Variants in CAPN7 observed in about 807,000 individuals in gnomAD.
CAPN7 encodes the protein calpain-7.
CAPN7 carries 72 observed loss-of-function variants against 115.2 expected under a neutral mutation model. The ratio of observed to expected loss-of-function variants is 0.63; its 90% CI spans 0.52 to 0.76. The LOEUF is 0.76. Ranked by LOEUF, CAPN7 falls within the 30% of genes least tolerant of loss-of-function variation. The pLI is 0.00. For missense variants in CAPN7, 905 were observed against 971.5 expected (o/e 0.93, Z 0.91); for synonymous variants, 344 against 322.3 (o/e 1.07, Z -0.72).
At chr3:15,216,385 C>T (rs1413100811) in intron 2 of CAPN7, among the ~76,000 whole-genome samples, 3 of 152,160 alleles carry the variant, frequency 2.0e-5, no homozygotes, top group South Asian at 2.1e-4. Context: ...TGATGGCTAA[C>T]GTTCAGCAAT....
Position 15,206,500 on chromosome 3 carries a change from A to T in CAPN7, c.5A>T (p.Asp2Val). ...CCGGCGCGGGGCCACTGCGCCATGG[A>T]CGCCACAGCACTGGAGCGGGACGCT... MDATALERDAVQ... is the reference protein window; with the variant it reads MVATALERDAVQ... Residue 2 changes from aspartate to valine, a missense_variant, in exon 1 of 21, where the codon GAC (aspartate) becomes GTC (valine). By Grantham distance (152) the Asp-to-Val change is radical. This residue lies in a region of CAPN7 where 271 missense variants were observed against 239.6 expected (regional missense o/e 1.13). Coordinates refer to ENST00000253693, the MANE Select transcript of CAPN7 (RefSeq NM_014296.3). The T allele has an allele frequency of 6.5e-7, 1 of 1,546,726 alleles. No individual in the cohort carries two copies. The highest frequency in any genetic ancestry group is 2.5e-5 in the East Asian group (1 of 40,386).
At chr3:15,213,264 C>T (rs1165316486) in intron 2 of CAPN7, among the ~76,000 whole-genome samples, 1 of 152,196 alleles carries the variant, frequency 6.6e-6, no homozygotes, top group African/African-American at 2.4e-5. Context: ...GGAAGGTAGT[C>T]TTTCATGTTT....
At chr3:15,218,432 T>C in intron 3 of CAPN7, 41 bp from the exon 4 acceptor site, 1 of 1,472,440 alleles carries the variant, frequency 6.8e-7, no homozygotes, top group Non-Finnish European at 9.4e-7. Context: ...AATTGAAAAA[T>C]AATTATGCTT....
intron 11 of CAPN7, among the ~76,000 whole-genome samples, 186 bp from the exon 12 acceptor site, chr3:15,234,839 A>T (rs1270767109): frequency 6.9e-6 from 1 of 144,490 alleles, no homozygotes; most frequent in Non-Finnish European, 1.5e-5. Flanking sequence ...CCAGAAACTT[A>T]AAAAAAGAGA....
Position 15,228,994 on chromosome 3 carries a change from C to A in CAPN7, c.873C>A (p.Ser291=), listed in dbSNP as rs1177412357. The A allele has an allele frequency of 1.9e-6, 3 of 1,612,278 alleles. No homozygotes were observed. The highest frequency in any genetic ancestry group is 2.5e-6 in the Non-Finnish European group (3 of 1,178,768). The change falls in exon 8 of 21, where the codon TCC becomes TCA. Residue 291 remains serine, a synonymous_variant. Transcript: ENST00000253693. ...AACAGACAATAGTATCGGATTGCTC[C>A]TTTGTGGCATCACTGGCCATCAGTG... ...SIKQTIVSDC[S]FVASLAISAA...
chr3:15,231,817 C>T (rs562992366), intron 9 of CAPN7, among the ~76,000 whole-genome samples: 38 of 152,286 alleles, frequency 2.5e-4, no homozygotes, highest in African/African-American at 6.7e-4. Context: ...CGTGAGCCAC[C>T]GCGCCCAGCC....
At chr3:15,213,347 G>A (rs892010712) in intron 2 of CAPN7, among the ~76,000 whole-genome samples, 1 of 152,058 alleles carries the variant, frequency 6.6e-6, no homozygotes, top group African/African-American at 2.4e-5. Flanking sequence ...ATACATGTTT[G>A]GGCTCTATGG....
intron 6 of CAPN7, among the ~76,000 whole-genome samples, chr3:15,225,377 T>G (rs1266573559): frequency 6.6e-6 from 1 of 152,242 alleles, no homozygotes; most frequent in Admixed American, 6.5e-5. Context: ...GTTATTCTGG[T>G]ATTTTCTTGA....
At chr3:15,229,284 A>T (rs559174153) in intron 8 of CAPN7, among the ~76,000 whole-genome samples, 2 of 152,322 alleles carry the variant, frequency 1.3e-5, no homozygotes. Context: ...GTTTTGAAAT[A>T]AATGAAATTG....
intron 15 of CAPN7, 69 bp downstream of exon 15, chr3:15,241,657 C>T: frequency 7.7e-7 from 1 of 1,301,234 alleles, no homozygotes; most frequent in Non-Finnish European, 1.1e-6. Flanking sequence ...TTGTGAAAGA[C>T]ATACGTAAAC....
chr3:15,240,791 T>C lies in CAPN7; in HGVS notation c.1590T>C (p.Tyr530=). The C allele has an allele frequency of 6.2e-7, 1 of 1,613,148 alleles. No individual in the cohort carries two copies. The highest frequency in any genetic ancestry group is 8.5e-7 in the Non-Finnish European group (1 of 1,179,264). ...TTTCCTGGGATGATCTCTGCCAGTA[T>C]TATGATGTGATTTATTTGAGTTGGA... is the stretch of plus-strand genomic sequence containing the variant. The part of the protein sequence containing the change: ...FWISWDDLCQ[Y]YDVIYLSWNP... Residue 530 remains tyrosine (Y), a synonymous_variant, in exon 14 of 21, where the codon TAT becomes TAC. Transcript: ENST00000253693.
chr3:15,249,749 T>TAA (rs1302373111), intron 19 of CAPN7, among the ~76,000 whole-genome samples: 5 of 152,034 alleles, frequency 3.3e-5, no homozygotes, highest in Non-Finnish European at 5.9e-5. Flanking sequence ...GCCTTTCCAT[T>TAA]TGTTACAATA....
chr3:15,230,580 T>G, intron 9 of CAPN7, 45 bp downstream of exon 9: 1 of 1,118,018 alleles, frequency 8.9e-7, no homozygotes. Context: ...CTCTCTCCGT[T>G]CCCTACCTTT....
intron 12 of CAPN7, among the ~76,000 whole-genome samples, chr3:15,235,908 A>G (rs935652380): frequency 6.6e-6 from 1 of 152,140 alleles, no homozygotes; most frequent in African/African-American, 2.4e-5. Context: ...TAATCCCGAT[A>G]CTTTGGGAAG....
chr3:15,213,729 A>C (rs1313853361), intron 2 of CAPN7, among the ~76,000 whole-genome samples: 1 of 152,208 alleles, frequency 6.6e-6, no homozygotes, highest in Non-Finnish European at 1.5e-5. Context: ...TTCTTACTTT[A>C]TATTAAATAC....
chr3:15,224,847 G>A (rs1694219344), intron 6 of CAPN7, among the ~76,000 whole-genome samples: 1 of 152,156 alleles, frequency 6.6e-6, no homozygotes, highest in Admixed American at 6.5e-5. Context: ...CTTTTGCCAA[G>A]GGTTAGGTAT....
At position 15,245,510 on chromosome 3, in the gene CAPN7, A is replaced by C; in HGVS notation, c.1865-16A>C. 6.2e-7 allele frequency: 1 copy of C among 1,604,542 alleles called. No homozygotes were observed. The highest frequency in any genetic ancestry group is 8.5e-7 in the Non-Finnish European group (1 of 1,176,398). On this transcript the variant is annotated splice_polypyrimidine_tract_variant and intron_variant, in intron 16 of 20. Transcript: ENST00000253693. ...GAAAAGTCTCCTTTTCTCTAAGCCT[A>C]CTTGTTTGTTTGCAGCTGACCCACC...
In CAPN7 at chr3:15,241,535, C is replaced by G; in HGVS notation, c.1735C>G (p.Pro579Ala). The G allele has an allele frequency of 6.2e-7, 1 of 1,614,104 alleles. No homozygotes were observed. The highest frequency in any genetic ancestry group is 8.5e-7 in the Non-Finnish European group (1 of 1,179,998). ...NPQYKLEVQC[P>A]QGGAAVWVLL... is the part of the protein sequence containing the mutation. ...CCAGTACAAACTGGAGGTGCAGTGT[C>G]CACAGGGGGGTGCTGCAGTTTGGGT... Residue 579 changes from proline to alanine, a missense_variant, in exon 15 of 21, where the codon CCA becomes GCA. Around this residue, in one of 3 missense-constraint regions of CAPN7, gnomAD observed 620 missense variants for 703.4 expected, o/e 0.88. Coordinates refer to ENST00000253693, the MANE Select transcript of CAPN7 (RefSeq NM_014296.3).
intron 16 of CAPN7, among the ~76,000 whole-genome samples, chr3:15,242,564 T>TA (rs774851587): frequency 2.8e-4 from 42 of 152,320 alleles, no homozygotes; most frequent in Non-Finnish European, 5.1e-4. Flanking sequence ...AACTTCTGGA[T>TA]AAAATCTAAG....
Sources: gnomAD v4.1 joint callset for allele counts (sites outside exome capture counted in the v4.1 genomes callset) on GRCh38, gnomAD v4.1.1 for gene constraint, gnomAD v4.1.1 regional missense constraint, MANE v1.5 for transcripts, NCBI Gene and HGNC (gene_info 2026-07-23, HGNC 2026-07-21) for gene names.